Variants in MAML3 observed in about 807,000 individuals in gnomAD.
MAML3 encodes mastermind like transcriptional coactivator 3, also known as mastermind-like protein 3.
Under a neutral mutation model 101.9 loss-of-function variants are expected in MAML3, and 27 were observed. The ratio of observed to expected loss-of-function variants is 0.27; its 90% CI spans 0.20 to 0.37. The LOEUF (loss-of-function observed/expected upper bound fraction) is 0.37. Ranked by LOEUF, MAML3 falls within the 10% of genes least tolerant of loss-of-function variation. The probability of loss-of-function intolerance (pLI) is 1.00; values close to 1 mark genes in which losing one functional copy is unlikely to be tolerated. For missense variants in MAML3, 1,316 were observed against 1,444.9 expected (o/e 0.91, Z 1.45); for synonymous variants, 501 against 555.9 (o/e 0.90, Z 1.39).
chr4:140,135,659 T>C (rs1728870836), intron 1 of MAML3, among the ~76,000 whole-genome samples: 2 of 152,190 alleles, frequency 1.3e-5, no homozygotes, highest in African/African-American at 4.8e-5. Context: ...AGAGCCACCA[T>C]ACACCCAATG....
At chr4:139,728,825 G>A (rs888973799) in intron 3 of MAML3, among the ~76,000 whole-genome samples, 62 of 152,160 alleles carry the variant, frequency 4.1e-4, no homozygotes, top group African/African-American at 1.3e-3. Flanking sequence ...TGGCCTCACC[G>A]TGTGGGAACA....
At chr4:140,132,903 A>C (rs888948109) in intron 1 of MAML3, 1 of 242,256 alleles carries the variant, frequency 4.1e-6, no homozygotes, top group African/African-American at 2.2e-5. Context: ...TTTTTGGTCT[A>C]CATCGTGAAA....
intron 1 of MAML3, among the ~76,000 whole-genome samples, chr4:140,035,289 T>G (rs1726967585): frequency 6.6e-6 from 1 of 152,178 alleles, no homozygotes; most frequent in South Asian, 2.1e-4. Flanking sequence ...AAGGAAATTC[T>G]AAGGTGAAAC....
intron 1 of MAML3, among the ~76,000 whole-genome samples, chr4:140,016,756 C>G (rs1726648145): frequency 6.6e-6 from 1 of 152,142 alleles, no homozygotes; most frequent in Non-Finnish European, 1.5e-5. Context: ...TAAAACAAAA[C>G]CAAACCAAAA....
intron 1 of MAML3, among the ~76,000 whole-genome samples, chr4:139,981,890 T>C (rs1734451129): frequency 6.6e-6 from 1 of 152,234 alleles, no homozygotes; most frequent in African/African-American, 2.4e-5. Flanking sequence ...CATCACGTCA[T>C]ATCAAGAATG....
intron 2 of MAML3, chr4:139,888,735 T>A (rs1462564711): frequency 4.0e-6 from 2 of 494,528 alleles, no homozygotes; most frequent in African/African-American, 3.9e-5. Flanking sequence ...ATCAGAGAGG[T>A]TTCATTGCAC....
intron 1 of MAML3, among the ~76,000 whole-genome samples, chr4:140,033,698 A>G (rs1482068354): frequency 6.6e-6 from 1 of 152,246 alleles, no homozygotes; most frequent in Non-Finnish European, 1.5e-5. Context: ...CTAAGCTCTC[A>G]GTTTCCACAT....
intron 2 of MAML3, 77 bp downstream of exon 2, chr4:139,889,280 C>T: frequency 6.2e-7 from 1 of 1,611,876 alleles, no homozygotes; most frequent in South Asian, 1.1e-5. Context: ...ACAGTGGAAG[C>T]TTGTAGAACA....
intron 2 of MAML3, among the ~76,000 whole-genome samples, chr4:139,848,952 C>T (rs1731497986): frequency 1.3e-5 from 2 of 152,124 alleles, no homozygotes; most frequent in African/African-American, 4.8e-5. Flanking sequence ...TGAAAAATGC[C>T]CCCATTTTCA....
chr4:139,988,108 C>T (rs188396462), intron 1 of MAML3, among the ~76,000 whole-genome samples: 1,876 of 149,794 alleles, frequency 0.013, 15 homozygotes, highest in South Asian at 0.025. Flanking sequence ...GGGCGGATCA[C>T]CTGAGGTCAG....
chr4:140,125,774 T>TTTG (rs554330299), intron 1 of MAML3, among the ~76,000 whole-genome samples: 13 of 150,752 alleles, frequency 8.6e-5, no homozygotes, highest in South Asian at 6.3e-4. Flanking sequence ...TACAGGTGTT[T>TTTG]TTGTTGTTGT....
At chr4:140,112,656 C>T (rs1020177878) in intron 1 of MAML3, among the ~76,000 whole-genome samples, 2 of 152,190 alleles carry the variant, frequency 1.3e-5, no homozygotes, top group African/African-American at 4.8e-5. Flanking sequence ...CAACAAGGGC[C>T]AGCACACCAG....
chr4:139,770,704 G>A (rs1256349526), intron 2 of MAML3, among the ~76,000 whole-genome samples: 1 of 152,154 alleles, frequency 6.6e-6, no homozygotes, highest in Non-Finnish European at 1.5e-5. Context: ...TTTAGAATTA[G>A]CTCAGTAGCC....
chr4:139,858,430 T>G (rs1477169051), intron 2 of MAML3, among the ~76,000 whole-genome samples: 1 of 149,680 alleles, frequency 6.7e-6, no homozygotes, highest in African/African-American at 2.5e-5. Context: ...GAACTATGGC[T>G]GGGTAGCCTG....
chr4:139,917,964 A>C (rs1376455858), intron 1 of MAML3, among the ~76,000 whole-genome samples: 4 of 152,194 alleles, frequency 2.6e-5, no homozygotes, highest in Non-Finnish European at 5.9e-5. Flanking sequence ...TATAAAGGGA[A>C]TAATCAGACT....
At chr4:140,107,749 C>T (rs887657730) in intron 1 of MAML3, among the ~76,000 whole-genome samples, 3 of 151,660 alleles carry the variant, frequency 2.0e-5, no homozygotes, top group African/African-American at 7.3e-5. Flanking sequence ...AGATGACCCA[C>T]CAGTCTCACC....
intron 1 of MAML3, among the ~76,000 whole-genome samples, chr4:140,031,318 G>A (rs549234241): frequency 1.4e-4 from 22 of 152,224 alleles, no homozygotes; most frequent in Admixed American, 6.5e-4. Context: ...GCTCTCCTCC[G>A]AGGGTCAAAG....
rs748191747 is a variant in MAML3, at chr4:140,153,071, C to G, written c.257G>C (p.Arg86Pro). 1 of 1,563,418 alleles carries G rather than the reference C, an allele frequency of 6.4e-7. No homozygotes were observed. Among genetic ancestry groups the G allele is most frequent in the Non-Finnish European group, 8.7e-7 (1 of 1,153,798 alleles). ...CCTGTTCTCGCAGTTGACGTGGTGCCGACGGCAGCCCTCGATGCGCTGGCG... is the reference window on the plus strand; with the variant it reads ...CCTGTTCTCGCAGTTGACGTGGTGCGGACGGCAGCCCTCGATGCGCTGGCG... ...RLRQRIEGCR[R>P]HHVNCENRYQ... The change falls in exon 1 of 5, where the codon CGG becomes CCG. Residue 86 changes from arginine (R) to proline (P), a missense_variant. Arg to Pro is a moderately radical substitution (Grantham distance 103, BLOSUM62 -2). Coordinates refer to ENST00000509479, the MANE Select transcript of MAML3 (RefSeq NM_018717.5).
chr4:140,148,242 G>A (rs1244555939), intron 1 of MAML3, among the ~76,000 whole-genome samples: 1 of 152,130 alleles, frequency 6.6e-6, no homozygotes, highest in African/African-American at 2.4e-5. Flanking sequence ...TGAAAACTTG[G>A]CTTTCCCTGG....
Sources: allele counts gnomAD v4.1 joint callset (sites outside exome capture counted in the v4.1 genomes callset), GRCh38; gene constraint gnomAD v4.1.1; transcripts MANE v1.5; gene names NCBI Gene and HGNC (gene_info 2026-07-23, HGNC 2026-07-21).